HSF5: variants seen among roughly 807,000 people sequenced by gnomAD.
HSF5 encodes heat shock transcription factor 5, also known as heat shock factor protein 5.
Under a neutral mutation model 50.8 loss-of-function variants are expected in HSF5, and 5 were observed. The ratio of observed to expected loss-of-function variants is 0.10; its 90% CI spans 0.05 to 0.21. HSF5 has a LOEUF of 0.21. Among genes scored for constraint, HSF5 ranks in the 10% least tolerant of loss-of-function variants. The pLI, the probability that HSF5 is intolerant of heterozygous loss-of-function variation, is 1.00. For synonymous variants in HSF5, 307 were observed against 307.4 expected, an observed-to-expected ratio of 1.00 and a Z score of 0.02; for missense variants, 564 against 762.6, an observed-to-expected ratio of 0.74 and a Z score of 3.07.
At chr17:58,470,508 G>T (rs1974928911) in intron 2 of HSF5, among the ~76,000 whole-genome samples, 1 of 152,172 alleles carries the variant, frequency 6.6e-6, no homozygotes, top group Non-Finnish European at 1.5e-5. Context: ...GGGGTTGGGG[G>T]AAACTATTGC....
chr17:58,479,744 C>A, intron 2 of HSF5, 149 bp downstream of exon 2: 2 of 681,460 alleles, frequency 2.9e-6, no homozygotes, highest in Non-Finnish European at 4.7e-6. Context: ...TTAAAAATAT[C>A]TCCTGCTAAG....
At chr17:58,482,709 CAAAAAAA>C (rs34783781) in intron 1 of HSF5, among the ~76,000 whole-genome samples, 18 of 13,452 alleles carry the variant, frequency 1.3e-3, no homozygotes, top group Non-Finnish European at 1.5e-3. Context: ...GACTCCATCT[CAAAAAAA>C]AAAAAAAAAA....
At chr17:58,476,015 C>A in intron 2 of HSF5, 1 of 366,332 alleles carries the variant, frequency 2.7e-6, no homozygotes, top group Non-Finnish European at 5.1e-6. Flanking sequence ...AACAGGGTGA[C>A]TGAGCACAAG....
chr17:58,452,572 T>C (rs1470254138), intron 5 of HSF5, among the ~76,000 whole-genome samples: 1 of 151,184 alleles, frequency 6.6e-6, no homozygotes, highest in Non-Finnish European at 1.5e-5. Context: ...CACTTTGCGA[T>C]GCTGAGGCAG....
chr17:58,425,772 G>A (rs1974289860), intron 5 of HSF5, among the ~76,000 whole-genome samples: 1 of 152,134 alleles, frequency 6.6e-6, no homozygotes, highest in Non-Finnish European at 1.5e-5. Context: ...TGAGTAGTTA[G>A]TAGATAACTA....
chr17:58,438,808 C>G (rs1001822125), intron 5 of HSF5, among the ~76,000 whole-genome samples: 8 of 151,964 alleles, frequency 5.3e-5, no homozygotes, highest in African/African-American at 1.9e-4. Flanking sequence ...ATACCCCAAC[C>G]TGAAGTTGCA....
At chr17:58,463,778 T>C (rs892425687) in intron 3 of HSF5, among the ~76,000 whole-genome samples, 4 of 152,192 alleles carry the variant, frequency 2.6e-5, no homozygotes, top group Admixed American at 2.0e-4. Context: ...TTCCAAATAA[T>C]ATGGGGAAAA....
chr17:58,452,779 T>C (rs1414057566), intron 5 of HSF5, among the ~76,000 whole-genome samples: 1 of 152,258 alleles, frequency 6.6e-6, no homozygotes, highest in African/African-American at 2.4e-5. Flanking sequence ...AGGTGTGAAA[T>C]GGCAGCCTTG....
intron 3 of HSF5, among the ~76,000 whole-genome samples, chr17:58,466,349 T>C (rs1974866145): frequency 6.6e-6 from 1 of 152,224 alleles, no homozygotes; most frequent in African/African-American, 2.4e-5. Flanking sequence ...ATCTGTCATT[T>C]GGTGACTTAC....
chr17:58,480,103 G>T lies in HSF5; in HGVS notation c.715C>A (p.Pro239Thr). Reference sequence around the variant, plus strand: ...GTGGGAGATGTCTCCACTTGTCCAGGATGCATTCCAAGGGAGTTCTGCCAT... The same window carrying T: ...GTGGGAGATGTCTCCACTTGTCCAGTATGCATTCCAAGGGAGTTCTGCCAT... ...RIWQNSLGMH[P>T]GQVETSPTFS... Residue 239 changes from proline (P) to threonine (T), a missense_variant, in exon 2 of 6, where the codon CCT (proline) becomes ACT (threonine). This residue lies in a region of HSF5 where 441 missense variants were observed against 533.6 expected (regional missense o/e 0.83). Coordinates refer to ENST00000323777, the MANE Select transcript of HSF5 (RefSeq NM_001080439.3). The T allele has an allele frequency of 6.2e-7, 1 of 1,614,148 alleles. No homozygotes were observed. The highest frequency in any genetic ancestry group is 1.1e-5 in the South Asian group (1 of 91,082).
chr17:58,432,521 G>C (rs936680755), intron 5 of HSF5, among the ~76,000 whole-genome samples: 7 of 152,182 alleles, frequency 4.6e-5, no homozygotes, highest in African/African-American at 1.7e-4. Flanking sequence ...AAGTGTAAAG[G>C]CTGGAGCATT....
chr17:58,456,640 T>C (rs933775376), intron 5 of HSF5, among the ~76,000 whole-genome samples: 1 of 152,178 alleles, frequency 6.6e-6, no homozygotes, highest in Non-Finnish European at 1.5e-5. Context: ...ACACTACATA[T>C]ACATGTGTCA....
At chr17:58,473,104 TG>T (rs1323362163) in intron 2 of HSF5, among the ~76,000 whole-genome samples, 1 of 152,178 alleles carries the variant, frequency 6.6e-6, no homozygotes, top group African/African-American at 2.4e-5. Flanking sequence ...TCAGATTGTC[TG>T]GATTTGTTTC....
At chr17:58,422,735 G>A (rs149059022) in intron 5 of HSF5, among the ~76,000 whole-genome samples, 15 of 135,206 alleles carry the variant, frequency 1.1e-4, no homozygotes, top group African/African-American at 2.8e-4. Context: ...TGCTCTTATC[G>A]TCCAGGCTGG....
chr17:58,485,277 T>C (rs1019062404), intron 1 of HSF5, among the ~76,000 whole-genome samples: 3 of 151,766 alleles, frequency 2.0e-5, no homozygotes, highest in Admixed American at 1.3e-4. Context: ...AGTAAATCCA[T>C]GTTAACATGC....
chr17:58,456,828 T>C (rs1265965632), intron 5 of HSF5, among the ~76,000 whole-genome samples: 1 of 152,204 alleles, frequency 6.6e-6, no homozygotes, highest in Non-Finnish European at 1.5e-5. Flanking sequence ...GCAATATTAG[T>C]TTATATGTGA....
At chr17:58,458,990 T>C (rs759748364) in intron 4 of HSF5, 45 bp from the exon 5 acceptor site, 34 of 1,519,696 alleles carry the variant, frequency 2.2e-5, no homozygotes, top group Non-Finnish European at 3.0e-5. Flanking sequence ...CCTCCAAATA[T>C]CTGCTAAAAG....
chr17:58,454,774 G>A (rs891690948), intron 5 of HSF5, among the ~76,000 whole-genome samples: 6 of 152,144 alleles, frequency 3.9e-5, no homozygotes, highest in African/African-American at 1.2e-4. Flanking sequence ...AACCAAGGAG[G>A]TGAATTATCC....
chr17:58,476,554 G>A, intron 2 of HSF5: 1 of 1,443,768 alleles, frequency 6.9e-7, no homozygotes, highest in Non-Finnish European at 9.7e-7. Context: ...TTCAAGGTAA[G>A]GATTTTGATC....
Sources: gnomAD v4.1 joint callset for allele counts (sites outside exome capture counted in the v4.1 genomes callset) on GRCh38, gnomAD v4.1.1 for gene constraint, gnomAD v4.1.1 regional missense constraint, MANE v1.5 for transcripts, NCBI Gene and HGNC (gene_info 2026-07-23, HGNC 2026-07-21) for gene names.